The following ITGA9 variants were observed in gnomAD, a reference collection of about 807,000 sequenced individuals.
ITGA9 encodes integrin subunit alpha 9.
ITGA9 carries 56 observed loss-of-function variants against 127.8 expected under a neutral mutation model. The observed-to-expected ratio is 0.44, with a 90% CI of 0.35 to 0.55. The LOEUF (loss-of-function observed/expected upper bound fraction) is 0.55. Among genes scored for constraint, ITGA9 ranks in the 20% least tolerant of loss-of-function variants. The probability of loss-of-function intolerance (pLI) is 0.00; values close to 1 mark genes in which losing one functional copy is unlikely to be tolerated. For missense variants in ITGA9, 1,196 were observed against 1,347.1 expected, an observed-to-expected ratio of 0.89 and a Z score of 1.76; for synonymous variants, 508 against 514.5, an observed-to-expected ratio of 0.99 and a Z score of 0.17.
chr3:37,730,041 T>G (rs547071861), intron 18 of ITGA9, among the ~76,000 whole-genome samples: 1 of 152,170 alleles, frequency 6.6e-6, no homozygotes, highest in Non-Finnish European at 1.5e-5. Context: ...TGACTTAAAA[T>G]TAAAGCTTCT....
At chr3:37,463,288 T>C (rs1698336133) in intron 1 of ITGA9, among the ~76,000 whole-genome samples, 1 of 152,300 alleles carries the variant, frequency 6.6e-6, no homozygotes, top group Admixed American at 6.5e-5. Flanking sequence ...CCCCAAAACT[T>C]AGTGGCTTAA....
At chr3:37,596,316 G>A (rs1052954543) in intron 15 of ITGA9, among the ~76,000 whole-genome samples, 1 of 152,162 alleles carries the variant, frequency 6.6e-6, no homozygotes, top group African/African-American at 2.4e-5. Context: ...TATCAACATC[G>A]AAGGTACAGA....
At chr3:37,800,779 A>T (rs1158476383) in intron 26 of ITGA9, among the ~76,000 whole-genome samples, 2 of 152,212 alleles carry the variant, frequency 1.3e-5, no homozygotes, top group Non-Finnish European at 2.9e-5. Flanking sequence ...ATGAATAAAT[A>T]AACAGTGGTA....
chr3:37,660,996 C>G (rs1377311467), intron 17 of ITGA9, among the ~76,000 whole-genome samples: 1 of 152,208 alleles, frequency 6.6e-6, no homozygotes, highest in Non-Finnish European at 1.5e-5. Flanking sequence ...CACTTTTCCT[C>G]CAGCCTTATT....
At chr3:37,763,285 A>G (rs74894424) in intron 23 of ITGA9, among the ~76,000 whole-genome samples, 2,883 of 152,330 alleles carry the variant, frequency 0.019, 87 homozygotes, top group African/African-American at 0.065. Context: ...GGACAGTTTC[A>G]CGGAGACCTT....
rs573964004 is a variant in ITGA9, at chr3:37,679,928, C to G, written c.1917-3937C>G. ...AGCCCCACAAACAAATGCATAACCACAACTTCGATAAGTGCCATGAAGGGT... is the reference window on the plus strand; with the variant it reads ...AGCCCCACAAACAAATGCATAACCAGAACTTCGATAAGTGCCATGAAGGGT... On this transcript the variant is annotated intron_variant, in intron 17 of 27. Transcript: ENST00000264741. Among the ~76,000 whole-genome samples the G allele has an allele frequency of 2.0e-5, 3 of 152,008 alleles. No individual in the cohort carries two copies. In the East Asian group the frequency reaches 5.8e-4, roughly 29 times the overall value.
chr3:37,781,749 C>T (rs1460143802), intron 25 of ITGA9, among the ~76,000 whole-genome samples: 4 of 152,200 alleles, frequency 2.6e-5, no homozygotes, highest in African/African-American at 9.7e-5. Context: ...AACCTATCCA[C>T]GTGTGAATGA....
chr3:37,756,939 C>CCTTTATTCTTAAAA (rs1696659450), intron 23 of ITGA9, among the ~76,000 whole-genome samples: 6 of 149,908 alleles, frequency 4.0e-5, no homozygotes, highest in African/African-American at 1.0e-4. Flanking sequence ...AAAAAGAAAT[C>CCTTTATTCTTAAAA]AAAGTTGAAG....
At chr3:37,712,598 G>A (rs1471512766) in intron 18 of ITGA9, among the ~76,000 whole-genome samples, 1 of 152,136 alleles carries the variant, frequency 6.6e-6, no homozygotes, top group East Asian at 1.9e-4. Context: ...TGGACCTCTG[G>A]AAGTTGTCAT....
At chr3:37,817,672 G>A (rs1414041323) in intron 27 of ITGA9, among the ~76,000 whole-genome samples, 1 of 152,214 alleles carries the variant, frequency 6.6e-6, no homozygotes, top group Admixed American at 6.5e-5. Context: ...ACCAATGTTA[G>A]TGAGCCAAGG....
chr3:37,698,285 T>A (rs931211173), intron 18 of ITGA9, among the ~76,000 whole-genome samples: 9 of 152,366 alleles, frequency 5.9e-5, no homozygotes, highest in Admixed American at 2.6e-4. Flanking sequence ...ATTTTGTAGG[T>A]TGCCTGTTCA....
intron 15 of ITGA9, among the ~76,000 whole-genome samples, chr3:37,619,711 C>T (rs150625084): frequency 8.5e-5 from 13 of 152,296 alleles, no homozygotes; most frequent in East Asian, 5.8e-4. Flanking sequence ...TTCACAAGGC[C>T]GTACTCAAGG....
chr3:37,677,808 T>C (rs964761874), intron 17 of ITGA9, among the ~76,000 whole-genome samples: 1 of 152,226 alleles, frequency 6.6e-6, no homozygotes, highest in Non-Finnish European at 1.5e-5. Context: ...CTGCCCTTTT[T>C]AAGAATGGGA....
chr3:37,629,057 C>A lies in ITGA9; in HGVS notation c.1690-130C>A. On this transcript the variant is annotated intron_variant, in intron 15 of 27. Coordinates refer to ENST00000264741, the MANE Select transcript of ITGA9 (RefSeq NM_002207.3). The surrounding 1 kb of genome is among the most constrained non-coding windows in gnomAD (Gnocchi z 4.5). The stretch of plus-strand genomic sequence containing the variant: ...ATTTAAAATATGAAAGTCATAAAAC[C>A]CTACCTCACGAGGGTGATTGTGAGG... The A allele has an allele frequency of 9.3e-7, 1 of 1,073,712 alleles. No individual in the cohort carries two copies. The highest frequency in any genetic ancestry group is 1.4e-6 in the Non-Finnish European group (1 of 705,874). The allele number at this position is 1,073,712 out of a possible 1,614,324, so 66.5% of individuals were successfully genotyped here.
intron 15 of ITGA9, among the ~76,000 whole-genome samples, chr3:37,544,450 A>G (rs1446229530): frequency 6.6e-6 from 1 of 152,230 alleles, no homozygotes; most frequent in East Asian, 1.9e-4. Flanking sequence ...GGATATACTT[A>G]TACTAAAAAC....
chr3:37,614,594 T>C (rs1488432682), intron 15 of ITGA9, among the ~76,000 whole-genome samples: 4 of 152,140 alleles, frequency 2.6e-5, no homozygotes, highest in African/African-American at 7.2e-5. Context: ...TTCCTACCCA[T>C]GAGCATGGAA....
intron 15 of ITGA9, among the ~76,000 whole-genome samples, chr3:37,575,008 G>T (rs138040817): frequency 6.6e-6 from 1 of 152,140 alleles, no homozygotes; most frequent in Non-Finnish European, 1.5e-5. Context: ...TTTGCTGAAG[G>T]CCCCTTGAGT....
At chr3:37,810,261 C>A (rs941511144) in intron 27 of ITGA9, among the ~76,000 whole-genome samples, 27 of 152,296 alleles carry the variant, frequency 1.8e-4, no homozygotes, top group African/African-American at 6.5e-4. Flanking sequence ...CTGGCCATGC[C>A]GCCGCATTCA....
In ITGA9 at chr3:37,506,023, T is replaced by C; in HGVS notation, c.766T>C (p.Phe256Leu). The C allele has an allele frequency of 6.2e-7, 1 of 1,609,384 alleles. No homozygotes were observed. Among genetic ancestry groups the C allele is most frequent in the Non-Finnish European group, 8.5e-7 (1 of 1,178,082 alleles). Residue 256 changes from phenylalanine to leucine, a missense_variant, in exon 7 of 28, where the codon TTC becomes CTC. Physicochemically the swap from Phe to Leu is conservative, Grantham distance 22 (BLOSUM62 0). Coordinates refer to ENST00000264741, the MANE Select transcript of ITGA9 (RefSeq NM_002207.3). Reference sequence around the variant, plus strand: ...AGGCTACGCAGTGACCGCTGGCCACTTCTCTCACCCGTCCACCATTGATGT... The same window carrying C: ...AGGCTACGCAGTGACCGCTGGCCACCTCTCTCACCCGTCCACCATTGATGT... ...YLGYAVTAGHFSHPSTIDVVG... is the reference protein window; with the variant it reads ...YLGYAVTAGHLSHPSTIDVVG...
Sources: allele counts gnomAD v4.1 joint callset (sites outside exome capture counted in the v4.1 genomes callset), GRCh38; gene constraint gnomAD v4.1.1; non-coding constraint Gnocchi (gnomAD v3.1); transcripts MANE v1.5; gene names NCBI Gene and HGNC (gene_info 2026-07-23, HGNC 2026-07-21).